Variants in SLC24A2 observed in about 807,000 individuals in gnomAD.
SLC24A2 encodes the protein sodium/potassium/calcium exchanger 2.
In SLC24A2, 36 loss-of-function variants were observed where a neutral mutation model predicts 62.0. The ratio of observed to expected loss-of-function variants is 0.58; its 90% CI spans 0.44 to 0.77. SLC24A2 has a LOEUF of 0.77. Among genes scored for constraint, SLC24A2 ranks in the 30% least tolerant of loss-of-function variants. The pLI is 0.00. For synonymous variants in SLC24A2, 358 were observed against 294.0 expected (o/e 1.22, Z -2.23); for missense variants, 846 against 817.9 (o/e 1.03, Z -0.42).
chr9:19,723,074 A>G (rs75008312), intron 2 of SLC24A2, among the ~76,000 whole-genome samples: 3,222 of 152,242 alleles, frequency 0.021, 126 homozygotes, highest in African/African-American at 0.073. Context: ...TGGGGGTGGT[A>G]GTGATAAAAT....
chr9:20,225,003 T>TGAGGGATCAAGCTGAGGC, the SLC24A2 span, among the ~76,000 whole-genome samples: 1 of 152,080 alleles, frequency 6.6e-6, no homozygotes, highest in Non-Finnish European at 1.5e-5. Flanking sequence ...CACAATTTCC[T>TGAGGGATCAAGCTGAGGC]GAGGGATCAA....
chr9:19,612,303 C>A (rs908882869), intron 4 of SLC24A2, among the ~76,000 whole-genome samples: 6 of 152,140 alleles, frequency 3.9e-5, no homozygotes, highest in Non-Finnish European at 8.8e-5. Flanking sequence ...GTTGTAAGTG[C>A]TTTTCATATA....
intron 8 of SLC24A2, among the ~76,000 whole-genome samples, chr9:19,543,043 T>A (rs758494344): frequency 6.6e-6 from 1 of 152,214 alleles, no homozygotes; most frequent in Non-Finnish European, 1.5e-5. Context: ...CTGGTAGAAT[T>A]TGGCAGTGAA....
intron 2 of SLC24A2, among the ~76,000 whole-genome samples, chr9:19,668,493 C>A (rs1310523618): frequency 6.6e-6 from 1 of 152,186 alleles, no homozygotes; most frequent in Non-Finnish European, 1.5e-5. Flanking sequence ...TTCTCCTCTA[C>A]CTGTAGAATT....
chr9:19,827,172 A>G, the SLC24A2 span, among the ~76,000 whole-genome samples: 1 of 152,178 alleles, frequency 6.6e-6, no homozygotes, highest in Admixed American at 6.5e-5. Flanking sequence ...GAGAGGAGTC[A>G]TGTGGGTCAT....
the SLC24A2 span, among the ~76,000 whole-genome samples, chr9:20,171,681 T>C: frequency 2.0e-5 from 3 of 152,002 alleles, no homozygotes; most frequent in Non-Finnish European, 2.9e-5. Flanking sequence ...ATCCTAACTA[T>C]ATAAGCACCT....
chr9:20,012,279 C>G, the SLC24A2 span, among the ~76,000 whole-genome samples: 34 of 152,168 alleles, frequency 2.2e-4, no homozygotes, highest in Admixed American at 1.8e-3. Flanking sequence ...AGGTGAAAGA[C>G]ACATCTCACA....
At chr9:20,002,025 A>C in the SLC24A2 span, among the ~76,000 whole-genome samples, 1 of 152,182 alleles carries the variant, frequency 6.6e-6, no homozygotes, top group Non-Finnish European at 1.5e-5. Context: ...TTTGATTTTC[A>C]AAAGTTTGAG....
intron 2 of SLC24A2, among the ~76,000 whole-genome samples, chr9:19,732,833 A>C (rs1196310890): frequency 6.6e-6 from 1 of 152,154 alleles, no homozygotes; most frequent in Admixed American, 6.6e-5. Flanking sequence ...GCTGGAGAAA[A>C]GGCTGAGAAT....
chr9:19,715,497 T>C (rs537291987), intron 2 of SLC24A2, among the ~76,000 whole-genome samples: 24 of 152,322 alleles, frequency 1.6e-4, no homozygotes, highest in Non-Finnish European at 2.2e-4. Flanking sequence ...TATTAGCTTG[T>C]TCTTTGGAAT....
the SLC24A2 span, among the ~76,000 whole-genome samples, chr9:19,888,108 C>T: frequency 6.6e-6 from 1 of 152,132 alleles, no homozygotes; most frequent in Non-Finnish European, 1.5e-5. Flanking sequence ...AGCACCTGTT[C>T]CCCCAAAACC....
At chr9:20,003,963 G>A in the SLC24A2 span, among the ~76,000 whole-genome samples, 2 of 151,568 alleles carry the variant, frequency 1.3e-5, no homozygotes, top group African/African-American at 4.8e-5. Context: ...ATATGTCTAT[G>A]TGTATAGAAA....
At chr9:20,133,569 G>A in the SLC24A2 span, among the ~76,000 whole-genome samples, 6 of 152,038 alleles carry the variant, frequency 3.9e-5, no homozygotes, top group Non-Finnish European at 5.9e-5. Flanking sequence ...AATTTTTCTC[G>A]ATATTTCAAA....
rs774398641 is a variant in SLC24A2, at chr9:19,516,320, T to C, written c.1819A>G (p.Ile607Val). The change falls in exon 11 of 11, where the codon ATC (isoleucine) becomes GTC (valine). Residue 607 changes from isoleucine to valine, a missense_variant. By Grantham distance (29) the Ile-to-Val change is conservative. Transcript: ENST00000341998. ...AGCAGCATGATGAAGAGAAGGACGA[T>C]GGCACAGAAAAGGCCATTGCTGCTG... is the stretch of plus-strand genomic sequence containing the variant. ...AVSSNGLFCAIVLLFIMLLFV... is the reference protein window; with the variant it reads ...AVSSNGLFCAVVLLFIMLLFV... 1.2e-6 allele frequency: 2 copies of C among 1,614,106 alleles called. No individual in the cohort carries two copies. The highest frequency in any genetic ancestry group is 1.1e-5 in the South Asian group (1 of 91,068).
the SLC24A2 span, among the ~76,000 whole-genome samples, chr9:20,234,030 T>C: frequency 6.6e-6 from 1 of 152,246 alleles, no homozygotes; most frequent in Non-Finnish European, 1.5e-5. Flanking sequence ...AAAATTATTT[T>C]CTTTAAAAAT....
At chr9:20,034,121 A>G in the SLC24A2 span, among the ~76,000 whole-genome samples, 2 of 152,174 alleles carry the variant, frequency 1.3e-5, no homozygotes, top group African/African-American at 2.4e-5. Context: ...AGGATTGAAA[A>G]TGCCTCAAAA....
At chr9:20,174,735 C>G in the SLC24A2 span, among the ~76,000 whole-genome samples, 1 of 151,936 alleles carries the variant, frequency 6.6e-6, no homozygotes, top group Admixed American at 6.6e-5. Flanking sequence ...ACAGGGAACA[C>G]GTCTACATTG....
the SLC24A2 span, among the ~76,000 whole-genome samples, chr9:19,955,450 T>C: frequency 6.6e-6 from 1 of 151,462 alleles, no homozygotes; most frequent in Admixed American, 6.6e-5. Context: ...AAGTGAGAGA[T>C]ACAAGCATAA....
chr9:20,235,301 TTGTC>T, the SLC24A2 span, among the ~76,000 whole-genome samples: 1 of 152,208 alleles, frequency 6.6e-6, no homozygotes, highest in Non-Finnish European at 1.5e-5. Context: ...GTCTTTTTGT[TTGTC>T]TGTGCCCTGC....
Sources: gnomAD v4.1 joint callset for allele counts (sites outside exome capture counted in the v4.1 genomes callset) on GRCh38, gnomAD v4.1.1 for gene constraint, MANE v1.5 for transcripts, NCBI Gene and HGNC (gene_info 2026-07-23, HGNC 2026-07-21) for gene names.